SLC39A10: variants seen among roughly 807,000 people sequenced by gnomAD.
The protein encoded by SLC39A10 is zinc transporter ZIP10.
SLC39A10 carries 13 observed loss-of-function variants against 65.1 expected under a neutral mutation model. The observed-to-expected ratio is 0.20, with a 90% CI of 0.13 to 0.32. The LOEUF (loss-of-function observed/expected upper bound fraction) is 0.32. Ranked by LOEUF, SLC39A10 falls within the 10% of genes least tolerant of loss-of-function variation. The probability of loss-of-function intolerance (pLI) is 1.00; values close to 1 mark genes in which losing one functional copy is unlikely to be tolerated. For synonymous variants in SLC39A10, 321 were observed against 342.2 expected, an observed-to-expected ratio of 0.94 and a Z score of 0.68; for missense variants, 831 against 1,018.4, an observed-to-expected ratio of 0.82 and a Z score of 2.50.
intron 3 of SLC39A10, among the ~76,000 whole-genome samples, chr2:195,691,689 C>G (rs1195444501): frequency 6.6e-6 from 1 of 152,098 alleles, no homozygotes; most frequent in African/African-American, 2.4e-5. Context: ...TATTCATGCC[C>G]TGAGCCACTT....
intron 3 of SLC39A10, among the ~76,000 whole-genome samples, chr2:195,690,173 GAAAAAAAAAAAA>G (rs34116515): frequency 3.3e-5 from 2 of 61,150 alleles, no homozygotes; most frequent in African/African-American, 5.2e-5. Context: ...GAGACTCTCT[GAAAAAAAAAAAA>G]AAAAAAAAAA....
chr2:195,729,970 T>TTTTTC (rs1207665980), intron 9 of SLC39A10, among the ~76,000 whole-genome samples: 1 of 136,342 alleles, frequency 7.3e-6, no homozygotes, highest in Non-Finnish European at 1.5e-5. Context: ...AATTTTTTTT[T>TTTTTC]TTTTTTTTTT....
chr2:195,630,144 G>GT (rs1350242402), intron 2 of SLC39A10, among the ~76,000 whole-genome samples: 4,488 of 123,012 alleles, frequency 0.036, 131 homozygotes, highest in Non-Finnish European at 0.043. Context: ...TATGGTTTGG[G>GT]TTTTTTTTTT....
At chr2:195,711,832 T>G (rs981492547) in intron 5 of SLC39A10, among the ~76,000 whole-genome samples, 2 of 152,208 alleles carry the variant, frequency 1.3e-5, no homozygotes, top group African/African-American at 4.8e-5. Flanking sequence ...TATATCCTTC[T>G]CATTGACTTT....
At chr2:195,662,128 G>GAGGTTA (rs915645711) in intron 1 of SLC39A10, among the ~76,000 whole-genome samples, 1 of 152,118 alleles carries the variant, frequency 6.6e-6, no homozygotes, top group Non-Finnish European at 1.5e-5. Context: ...AACTACGAAG[G>GAGGTTA]AGGTTAATTT....
In SLC39A10 at chr2:195,690,702, AT is replaced by A. The variant is rs1283602850; in HGVS notation, c.1216+6802del. On this transcript the variant is annotated intron_variant, in intron 3 of 9. Transcript: ENST00000359634. ...AAATGCCTATTACAGTTCTTTGCCC[AT>A]TTTTTAATCTGGTTATTCTTTTTGT... Among the ~76,000 whole-genome samples the A allele has an allele frequency of 2.0e-5, 3 of 152,044 alleles. No homozygotes were observed. In the East Asian group the frequency reaches 5.8e-4, roughly 29 times the overall value.
At chr2:195,702,136 C>T (rs1440573634) in intron 3 of SLC39A10, among the ~76,000 whole-genome samples, 2 of 152,130 alleles carry the variant, frequency 1.3e-5, no homozygotes, top group African/African-American at 4.8e-5. Context: ...GAGGTGCTGG[C>T]CTTTTAAATC....
At chr2:195,640,397 G>C (rs1688784861) in intron 2 of SLC39A10, among the ~76,000 whole-genome samples, 1 of 150,750 alleles carries the variant, frequency 6.6e-6, no homozygotes, top group Non-Finnish European at 1.5e-5. Flanking sequence ...TGAACACCGA[G>C]GACACCACTA....
chr2:195,678,044 A>C (rs902831993), intron 1 of SLC39A10, among the ~76,000 whole-genome samples: 4 of 152,140 alleles, frequency 2.6e-5, no homozygotes, highest in African/African-American at 9.7e-5. Context: ...CACCACACCC[A>C]GCCTTTTTTC....
intron 5 of SLC39A10, among the ~76,000 whole-genome samples, chr2:195,712,342 G>GC (rs1274498036): frequency 6.6e-6 from 1 of 152,222 alleles, no homozygotes; most frequent in African/African-American, 2.4e-5. Flanking sequence ...GAATTCCAGG[G>GC]CAGGGGGGTA....
rs1252335878 is a variant in SLC39A10 at position 195,680,799 on chromosome 2, C to A, written c.757C>A (p.Pro253Thr). 6.2e-7 allele frequency: 1 copy of A among 1,613,888 alleles called. No individual in the cohort carries two copies. The highest frequency in any genetic ancestry group is 1.7e-5 in the Admixed American group (1 of 59,968). The change falls in exon 2 of 10, where the codon CCT (proline) becomes ACT (threonine). Residue 253 changes from proline to threonine, a missense_variant. Transcript: ENST00000359634. ...TGAGGTTATTACACCAGGTTTTCCC[C>A]CTAACCATGATCAGGGTGAACAGTA... ...NSEVITPGFP[P>T]NHDQGEQYEH... is the part of the protein sequence containing the mutation.
intron 8 of SLC39A10, among the ~76,000 whole-genome samples, chr2:195,721,182 C>T (rs1331815842): frequency 1.3e-5 from 2 of 152,114 alleles, no homozygotes; most frequent in African/African-American, 4.8e-5. Flanking sequence ...TCAAGTGATC[C>T]ACCTCCCTCA....
intron 1 of SLC39A10, among the ~76,000 whole-genome samples, chr2:195,679,597 G>C (rs1690225368): frequency 6.6e-6 from 1 of 151,940 alleles, no homozygotes; most frequent in Non-Finnish European, 1.5e-5. Context: ...CGTTTATTTA[G>C]GTCTTTTATT....
chr2:195,725,549 A>G (rs895035377), intron 8 of SLC39A10, among the ~76,000 whole-genome samples: 3 of 152,154 alleles, frequency 2.0e-5, no homozygotes, highest in Non-Finnish European at 4.4e-5. Context: ...GTGGGGATGC[A>G]ATTTCTTATA....
chr2:195,715,508 A>G (rs1409136434), intron 6 of SLC39A10, among the ~76,000 whole-genome samples: 2 of 146,974 alleles, frequency 1.4e-5, no homozygotes, highest in Non-Finnish European at 3.0e-5. Flanking sequence ...CCTGGGTGAC[A>G]GAGTGAGACT....
chr2:195,625,614 C>A (rs1036505632), intron 2 of SLC39A10, among the ~76,000 whole-genome samples: 1 of 152,116 alleles, frequency 6.6e-6, no homozygotes, highest in Non-Finnish European at 1.5e-5. Context: ...TATAAGGAGT[C>A]CATTTTCACC....
At chr2:195,678,540 T>C (rs974616729) in intron 1 of SLC39A10, among the ~76,000 whole-genome samples, 3 of 151,394 alleles carry the variant, frequency 2.0e-5, no homozygotes, top group Non-Finnish European at 4.4e-5. Context: ...TCTCCCAGTC[T>C]GCAGCCTGCC....
At chr2:195,627,800 C>CA (rs1688505044) in intron 2 of SLC39A10, among the ~76,000 whole-genome samples, 1 of 151,926 alleles carries the variant, frequency 6.6e-6, no homozygotes, top group Non-Finnish European at 1.5e-5. Flanking sequence ...TGAGGGGCAG[C>CA]AAAAAAGCAC....
At chr2:195,654,819 C>T (rs1689114121), upstream of SLC39A10, among the ~76,000 whole-genome samples, 1 of 152,046 alleles carries the variant, frequency 6.6e-6, no homozygotes, top group Non-Finnish European at 1.5e-5. Flanking sequence ...TTTGACTCAG[C>T]AGGTGATTTT....
Sources: allele counts gnomAD v4.1 joint callset (sites outside exome capture counted in the v4.1 genomes callset), GRCh38; gene constraint gnomAD v4.1.1; transcripts MANE v1.5; gene names NCBI Gene and HGNC (gene_info 2026-07-23, HGNC 2026-07-21).